Variants in SLC30A7 observed in about 807,000 individuals in gnomAD.
SLC30A7 encodes the protein solute carrier family 30 member 7, also known as zinc transporter 7.
Under a neutral mutation model 46.0 loss-of-function variants are expected in SLC30A7, and 35 were observed. That is an observed-to-expected ratio of 0.76 (90% CI 0.58 to 1.01). The LOEUF (loss-of-function observed/expected upper bound fraction) is 1.01. Among genes scored for constraint, SLC30A7 ranks in the 50% least tolerant of loss-of-function variants. SLC30A7 has a pLI of 0.00. For synonymous variants in SLC30A7, 147 were observed against 157.8 expected (o/e 0.93, Z 0.51); for missense variants, 464 against 451.1 (o/e 1.03, Z -0.26).
At chr1:100,907,184 A>G (rs1179981456) in intron 3 of SLC30A7, among the ~76,000 whole-genome samples, 1 of 152,182 alleles carries the variant, frequency 6.6e-6, no homozygotes, top group Non-Finnish European at 1.5e-5. Flanking sequence ...TGGAATCTAC[A>G]GTAATTTGTT....
intron 8 of SLC30A7, among the ~76,000 whole-genome samples, chr1:100,958,744 T>C (rs1420550788): frequency 6.6e-6 from 1 of 152,240 alleles, no homozygotes; most frequent in Non-Finnish European, 1.5e-5. Context: ...CCATAAACAT[T>C]TATTTGCCAA....
At position 100,965,788 on chromosome 1, in the gene SLC30A7, T is replaced by G. The variant is rs140249674; in HGVS notation, c.953T>G (p.Val318Gly). The G allele has an allele frequency of 6.2e-7, 1 of 1,613,692 alleles. No homozygotes were observed. Among genetic ancestry groups the G allele is most frequent in the Admixed American group, 1.7e-5 (1 of 59,992 alleles). The change falls in exon 10 of 11, where the codon GTT becomes GGT. Residue 318 changes from valine to glycine, a missense_variant. Transcript: ENST00000357650. ...CYQRVQQLQG[V>G]YSLQEQHFWT... ...TTTCAGGTACAGCAGTTGCAAGGAG[T>G]TTACAGTTTACAGGAACAGCACTTC...
At chr1:100,942,946 C>T (rs1302871273) in intron 8 of SLC30A7, among the ~76,000 whole-genome samples, 1 of 152,192 alleles carries the variant, frequency 6.6e-6, no homozygotes, top group Non-Finnish European at 1.5e-5. Flanking sequence ...CAAATCTAAT[C>T]AGAGAAACAG....
At chr1:100,960,709 G>A (rs1218989460) in intron 8 of SLC30A7, among the ~76,000 whole-genome samples, 1 of 152,096 alleles carries the variant, frequency 6.6e-6, no homozygotes, top group African/African-American at 2.4e-5. Flanking sequence ...GCTATTAAGT[G>A]TAGTGAAGCT....
chr1:100,903,149 C>A (rs972565647), intron 2 of SLC30A7, among the ~76,000 whole-genome samples: 3 of 152,112 alleles, frequency 2.0e-5, no homozygotes, highest in African/African-American at 7.2e-5. Context: ...TAATTTAGCT[C>A]CCAAAATTGA....
chr1:100,961,066 T>C (rs1030957584), intron 8 of SLC30A7, among the ~76,000 whole-genome samples: 2 of 150,600 alleles, frequency 1.3e-5, no homozygotes, highest in African/African-American at 4.9e-5. Flanking sequence ...GCCATTCTCC[T>C]GCCTCAGCCT....
intron 6 of SLC30A7, among the ~76,000 whole-genome samples, chr1:100,914,267 C>G (rs574646261): frequency 2.0e-5 from 3 of 152,296 alleles, no homozygotes; most frequent in Non-Finnish European, 4.4e-5. Context: ...AATAGTCACT[C>G]TGTTGTGCTA....
chr1:100,945,526 C>T (rs1394239249), intron 8 of SLC30A7, among the ~76,000 whole-genome samples: 1 of 152,064 alleles, frequency 6.6e-6, no homozygotes, highest in East Asian at 1.9e-4. Context: ...TTTCCCAGCA[C>T]CATTTATTAA....
chr1:100,912,259 T>G, intron 5 of SLC30A7, 21 bp downstream of exon 5: 1 of 1,603,204 alleles, frequency 6.2e-7, no homozygotes. Flanking sequence ...TAGGACACTT[T>G]GTTTCTTCAT....
intron 10 of SLC30A7, among the ~76,000 whole-genome samples, chr1:100,970,172 T>C (rs1005786585): frequency 6.6e-5 from 10 of 152,166 alleles, no homozygotes; most frequent in African/African-American, 2.4e-4. Context: ...AGGATTTTTT[T>C]CAATAATAAG....
chr1:100,913,921 T>C, intron 6 of SLC30A7, 115 bp downstream of exon 6: 1 of 1,418,336 alleles, frequency 7.1e-7, no homozygotes, highest in East Asian at 2.4e-5. Context: ...TCTTTTCTAA[T>C]GAATCAGTCT....
At chr1:100,922,232 C>A (rs1343775230) in intron 8 of SLC30A7, among the ~76,000 whole-genome samples, 4 of 152,082 alleles carry the variant, frequency 2.6e-5, no homozygotes, top group Admixed American at 1.3e-4. Context: ...TCTGAAAGCG[C>A]TGGGATTACA....
At chr1:100,941,010 C>T in intron 8 of SLC30A7, 1 of 356,372 alleles carries the variant, frequency 2.8e-6, no homozygotes, top group African/African-American at 2.1e-5. Context: ...TATTTCCTAG[C>T]AGTAATTAAA....
At position 100,921,751 on chromosome 1, in the gene SLC30A7, T is replaced by G. The variant is rs1652945130; in HGVS notation, c.752T>G (p.Val251Gly). ...GCAGATACACTTGGAAGTATTGGTGTAATTGCTTCTGCCATCATGATGCAA... is the reference window on the plus strand; with the variant it reads ...GCAGATACACTTGGAAGTATTGGTGGAATTGCTTCTGCCATCATGATGCAA... ...ILADTLGSIGVIASAIMMQNF... is the reference protein window; with the variant it reads ...ILADTLGSIGGIASAIMMQNF... The change falls in exon 8 of 11, where the codon GTA (valine) becomes GGA (glycine). Residue 251 changes from valine (V) to glycine (G), a missense_variant. Coordinates refer to ENST00000357650, the MANE Select transcript of SLC30A7 (RefSeq NM_133496.5). The G allele has an allele frequency of 1.9e-6, 3 of 1,612,662 alleles. No individual in the cohort carries two copies. Among genetic ancestry groups the G allele is most frequent in the Non-Finnish European group, 2.5e-6 (3 of 1,179,010 alleles).
chr1:100,982,203 A>G (rs1001745732), downstream of SLC30A7, among the ~76,000 whole-genome samples: 21 of 152,312 alleles, frequency 1.4e-4, no homozygotes, highest in Admixed American at 1.2e-3. Context: ...CTTCCTTCTC[A>G]AAGGTATTCT....
intron 8 of SLC30A7, chr1:100,941,340 CA>C (rs539859036): frequency 5.2e-6 from 2 of 387,212 alleles, no homozygotes; most frequent in Non-Finnish European, 1.0e-5. Context: ...CCATTCCCAC[CA>C]AAACCACCTC....
intron 8 of SLC30A7, among the ~76,000 whole-genome samples, chr1:100,924,650 A>G (rs968127079): frequency 7.0e-6 from 1 of 143,512 alleles, no homozygotes; most frequent in Admixed American, 7.1e-5. Flanking sequence ...TAAAGTCAGC[A>G]CCTAAATCTC....
At chr1:100,967,700 G>C (rs1040282625) in intron 10 of SLC30A7, among the ~76,000 whole-genome samples, 2 of 152,184 alleles carry the variant, frequency 1.3e-5, no homozygotes, top group Non-Finnish European at 2.9e-5. Context: ...CCTCCACAAG[G>C]CTGTTAACTT....
chr1:100,926,016 G>A lies in SLC30A7; in HGVS notation c.842+4175G>A, dbSNP rs548708322. ...TCCTGCCTGCTAAAACTGATTTAGC[G>A]TCAGGGGCCCTTTCAATATAGTGCT... On this transcript the variant is annotated intron_variant, in intron 8 of 10. Coordinates refer to ENST00000357650, the MANE Select transcript of SLC30A7 (RefSeq NM_133496.5). Among the ~76,000 whole-genome samples the A allele has an allele frequency of 1.9e-3, 283 of 152,218 alleles. 1 individual carries two copies. Among genetic ancestry groups the A allele is most frequent in the Non-Finnish European group, 2.3e-3 (159 of 68,002 alleles).
Sources: allele counts gnomAD v4.1 joint callset (sites outside exome capture counted in the v4.1 genomes callset), GRCh38; gene constraint gnomAD v4.1.1; transcripts MANE v1.5; gene names NCBI Gene and HGNC (gene_info 2026-07-23, HGNC 2026-07-21).